GPM6A: variants seen among roughly 807,000 people sequenced by gnomAD.
GPM6A encodes the protein glycoprotein M6A.
In GPM6A, 7 loss-of-function variants were observed where a neutral mutation model predicts 32.1. The ratio of observed to expected loss-of-function variants is 0.22; its 90% CI spans 0.12 to 0.41. The LOEUF is 0.41. Among genes scored for constraint, GPM6A ranks in the 10% least tolerant of loss-of-function variants. GPM6A has a pLI of 1.00. For synonymous variants in GPM6A, 130 were observed against 123.4 expected, an observed-to-expected ratio of 1.05 and a Z score of -0.35; for missense variants, 235 against 347.2, an observed-to-expected ratio of 0.68 and a Z score of 2.57.
chr4:175,888,209 A>G (rs543536712), intron 1 of GPM6A, among the ~76,000 whole-genome samples: 49 of 152,146 alleles, frequency 3.2e-4, no homozygotes, highest in Non-Finnish European at 6.0e-4. Flanking sequence ...TAAGACAAAA[A>G]TTTATTGAAC....
At chr4:175,735,525 G>C (rs1163148947) in intron 1 of GPM6A, among the ~76,000 whole-genome samples, 1 of 151,604 alleles carries the variant, frequency 6.6e-6, no homozygotes, top group African/African-American at 2.4e-5. Flanking sequence ...CAAATTATGA[G>C]CCTCTATTGC....
chr4:175,904,993 T>C (rs1369698605), intron 1 of GPM6A, among the ~76,000 whole-genome samples: 2 of 151,974 alleles, frequency 1.3e-5, no homozygotes, highest in Non-Finnish European at 2.9e-5. Context: ...AAAAGGGAGA[T>C]TAACAGGAAA....
chr4:175,661,971 C>T (rs1742447395), intron 3 of GPM6A, among the ~76,000 whole-genome samples: 1 of 151,886 alleles, frequency 6.6e-6, no homozygotes, highest in South Asian at 2.1e-4. Context: ...CTTTTTGGCA[C>T]ATTCAATAGA....
intron 1 of GPM6A, among the ~76,000 whole-genome samples, chr4:175,900,721 C>T (rs1477111367): frequency 2.0e-5 from 3 of 152,146 alleles, no homozygotes; most frequent in Non-Finnish European, 4.4e-5. Flanking sequence ...AGAGCTTCCT[C>T]AGAAACCTAA....
chr4:175,664,908 A>G (rs888997088), intron 3 of GPM6A, among the ~76,000 whole-genome samples: 2 of 152,220 alleles, frequency 1.3e-5, no homozygotes, highest in Admixed American at 1.3e-4. Context: ...CTACAAACCT[A>G]TGCTACATGG....
At chr4:175,860,749 C>A (rs2111419535) in intron 1 of GPM6A, among the ~76,000 whole-genome samples, 1 of 152,248 alleles carries the variant, frequency 6.6e-6, no homozygotes. Context: ...CCTCTTCCTC[C>A]CATGCAGTGC....
chr4:175,990,465 A>G (rs765805114), intron 1 of GPM6A, among the ~76,000 whole-genome samples: 8 of 152,178 alleles, frequency 5.3e-5, no homozygotes, highest in African/African-American at 9.7e-5. Flanking sequence ...TTTATCTCCA[A>G]TGAAAGCATA....
intron 1 of GPM6A, among the ~76,000 whole-genome samples, chr4:175,870,144 C>G (rs1736861289): frequency 6.6e-6 from 1 of 152,174 alleles, no homozygotes; most frequent in Non-Finnish European, 1.5e-5. Context: ...ATATACAACA[C>G]TTTGATGTGT....
In GPM6A at chr4:175,885,096, A is replaced by C. The variant is rs1387183092; in HGVS notation, c.-22-72847T>G. Among the ~76,000 whole-genome samples, 4 of 152,272 alleles carry C rather than the reference A, an allele frequency of 2.6e-5. No homozygotes were observed. In the East Asian group the frequency reaches 7.7e-4, roughly 29 times the overall value. ...GTGCATCAAAAGTGTTCAAAGTAGC[A>C]CTCTTTATAGTATTCAAAACCTGAA... On this transcript the variant is annotated intron_variant, in intron 1 of 7. Transcript: ENST00000280187.
At chr4:175,817,478 T>C (rs769506330) in intron 1 of GPM6A, among the ~76,000 whole-genome samples, 5 of 152,094 alleles carry the variant, frequency 3.3e-5, no homozygotes, top group Non-Finnish European at 5.9e-5. Flanking sequence ...TGCTACCAAA[T>C]AAAAATAAAG....
chr4:175,724,443 C>G (rs756901689), intron 1 of GPM6A, among the ~76,000 whole-genome samples: 1 of 152,030 alleles, frequency 6.6e-6, no homozygotes, highest in East Asian at 1.9e-4. Context: ...ACTCGGGAGG[C>G]TAAGGTGGGG....
At chr4:175,852,821 C>G (rs1421233109) in intron 1 of GPM6A, among the ~76,000 whole-genome samples, 1 of 152,060 alleles carries the variant, frequency 6.6e-6, no homozygotes, top group African/African-American at 2.4e-5. Context: ...ATGAAAATGT[C>G]AAAATGCTAA....
In GPM6A at chr4:175,633,807, C is replaced by T. The variant is rs1740430534; in HGVS notation, c.*1098G>A. Reference sequence around the variant, plus strand: ...TTCAAACAATACATTCTATAGGGGCCTCTGACCACACTTTATAAAACACTA... The same window carrying T: ...TTCAAACAATACATTCTATAGGGGCTTCTGACCACACTTTATAAAACACTA... On this transcript the variant is annotated 3_prime_UTR_variant, in exon 7 of 7. Transcript: ENST00000393658. The T allele has an allele frequency of 6.6e-6, 1 of 152,400 alleles. No homozygotes were observed. Among genetic ancestry groups the T allele is most frequent in the Admixed American group, 6.6e-5 (1 of 15,242 alleles). The allele number at this position is 152,400 out of a possible 1,614,324, so 9.4% of individuals were successfully genotyped here.
chr4:175,755,693 A>G (rs1395962168), intron 1 of GPM6A, among the ~76,000 whole-genome samples: 1 of 152,208 alleles, frequency 6.6e-6, no homozygotes, highest in African/African-American at 2.4e-5. Context: ...CAAGCCCAAC[A>G]GACAATTGCC....
intron 1 of GPM6A, among the ~76,000 whole-genome samples, chr4:175,912,488 C>T (rs1389782712): frequency 6.6e-6 from 1 of 152,064 alleles, no homozygotes; most frequent in Non-Finnish European, 1.5e-5. Context: ...AACACTGTCT[C>T]TACTAAAAAT....
intron 1 of GPM6A, among the ~76,000 whole-genome samples, chr4:175,799,072 T>A (rs1445436309): frequency 1.3e-5 from 2 of 152,186 alleles, no homozygotes; most frequent in Non-Finnish European, 2.9e-5. Context: ...CTTTCCTTTT[T>A]TCCTTTTTTC....
At chr4:175,903,284 T>TG (rs1458341477) in intron 1 of GPM6A, among the ~76,000 whole-genome samples, 4 of 73,896 alleles carry the variant, frequency 5.4e-5, no homozygotes, top group Admixed American at 1.4e-4. Flanking sequence ...TGTAATTCAT[T>TG]GAAAAAAAAA....
At chr4:175,951,721 C>T (rs566811763) in intron 1 of GPM6A, among the ~76,000 whole-genome samples, 1 of 152,320 alleles carries the variant, frequency 6.6e-6, no homozygotes, top group African/African-American at 2.4e-5. Flanking sequence ...CAAGTCAAGG[C>T]TTCTTCACAT....
intron 1 of GPM6A, among the ~76,000 whole-genome samples, chr4:175,818,953 C>G (rs1735194789): frequency 6.6e-6 from 1 of 152,172 alleles, no homozygotes; most frequent in Non-Finnish European, 1.5e-5. Context: ...GGGTGACACT[C>G]TTTGGGCCAA....
Sources: allele counts gnomAD v4.1 joint callset (sites outside exome capture counted in the v4.1 genomes callset), GRCh38; gene constraint gnomAD v4.1.1; transcripts MANE v1.5; gene names NCBI Gene and HGNC (gene_info 2026-07-23, HGNC 2026-07-21).